Variants in DAAM1 observed in about 807,000 individuals in gnomAD.
DAAM1 encodes dishevelled associated activator of morphogenesis 1.
Under a neutral mutation model 130.0 loss-of-function variants are expected in DAAM1, and 52 were observed. The observed-to-expected ratio is 0.40, with a 90% CI of 0.32 to 0.50. The LOEUF (loss-of-function observed/expected upper bound fraction) is 0.50. Ranked by LOEUF, DAAM1 falls within the 20% of genes least tolerant of loss-of-function variation. The pLI is 0.61. For synonymous variants in DAAM1, 452 were observed against 444.5 expected (o/e 1.02, Z -0.21); for missense variants, 1,134 against 1,303.8 (o/e 0.87, Z 2.01).
intron 2 of DAAM1, among the ~76,000 whole-genome samples, chr14:59,289,117 A>G (rs1430250870): frequency 6.6e-6 from 1 of 152,080 alleles, no homozygotes; most frequent in African/African-American, 2.4e-5. Flanking sequence ...GGGTTTCACC[A>G]TGTTGTCCAG....
At chr14:59,221,337 TAC>T (rs1888764673) in intron 1 of DAAM1, among the ~76,000 whole-genome samples, 1 of 152,278 alleles carries the variant, frequency 6.6e-6, no homozygotes, top group Admixed American at 6.5e-5. Context: ...TATGTTTATA[TAC>T]ACACAAACGT....
chr14:59,337,634 C>T (rs1406297735), intron 15 of DAAM1, among the ~76,000 whole-genome samples: 1 of 152,182 alleles, frequency 6.6e-6, no homozygotes. Context: ...TTCCCTTTTT[C>T]ATTCCAAGTC....
chr14:59,310,921 G>A (rs1319631857), intron 3 of DAAM1, among the ~76,000 whole-genome samples: 1 of 151,610 alleles, frequency 6.6e-6, no homozygotes, highest in Non-Finnish European at 1.5e-5. Context: ...ATTGACCTTT[G>A]CATAGCTTAT....
intron 1 of DAAM1, among the ~76,000 whole-genome samples, chr14:59,236,749 C>G (rs1292558038): frequency 6.6e-6 from 1 of 152,114 alleles, no homozygotes; most frequent in African/African-American, 2.4e-5. Context: ...TGGTTCATTG[C>G]TGGGCCTCCA....
chr14:59,280,738 T>C (rs1456707283), intron 2 of DAAM1, among the ~76,000 whole-genome samples: 1 of 152,030 alleles, frequency 6.6e-6, no homozygotes, highest in East Asian at 1.9e-4. Context: ...CAGGATAGGC[T>C]ACCTGGAGGG....
At chr14:59,202,584 C>T (rs1888139944) in intron 1 of DAAM1, among the ~76,000 whole-genome samples, 1 of 151,970 alleles carries the variant, frequency 6.6e-6, no homozygotes, top group South Asian at 2.1e-4. Flanking sequence ...TTAGAGAAAC[C>T]CCCGGTTTTT....
chr14:59,328,367 A>C (rs1023084723), intron 12 of DAAM1, among the ~76,000 whole-genome samples: 2 of 152,268 alleles, frequency 1.3e-5, no homozygotes, highest in Non-Finnish European at 2.9e-5. Context: ...AAAGAGATTA[A>C]ACCAAAGAGA....
chr14:59,368,505 C>T (rs1887013730), intron 24 of DAAM1, 145 bp from the exon 25 acceptor site: 2 of 820,324 alleles, frequency 2.4e-6, no homozygotes, highest in East Asian at 2.8e-5. Flanking sequence ...CCAATTCCCC[C>T]TTTCTTGTGA....
intron 20 of DAAM1, 53 bp downstream of exon 20, chr14:59,355,386 T>A: frequency 1.9e-6 from 3 of 1,603,250 alleles, no homozygotes; most frequent in Non-Finnish European, 2.6e-6. Context: ...AGGTCCAGGC[T>A]CAGATTTATG....
intron 16 of DAAM1, among the ~76,000 whole-genome samples, chr14:59,341,511 G>A (rs1034923665): frequency 5.9e-5 from 9 of 152,016 alleles, no homozygotes; most frequent in South Asian, 4.2e-4. Context: ...ACAATATATT[G>A]TTTTAATTGT....
intron 1 of DAAM1, among the ~76,000 whole-genome samples, chr14:59,196,136 C>T (rs1360956152): frequency 6.6e-6 from 1 of 152,096 alleles, no homozygotes; most frequent in Non-Finnish European, 1.5e-5. Flanking sequence ...AAGCCAATAG[C>T]CTTGATCTTT....
rs143487872 is a variant in DAAM1 at position 59,363,812 on chromosome 14, G to T, written c.2826+30G>T. 3,215 of 1,611,108 alleles carry T rather than the reference G, an allele frequency of 2.0e-3. 5 individuals are homozygous for T. The highest frequency in any genetic ancestry group is 2.7e-3 in the Middle Eastern group (16 of 6,024). On this transcript the variant is annotated intron_variant, in intron 23 of 24. Coordinates refer to ENST00000360909, the MANE Select transcript of DAAM1 (RefSeq NM_001270520.2). ...GTTTCCCCCTTGTGCACTGAGTGTT[G>T]TTTGACCGGGCTGGGCTTCAGTGTG...
chr14:59,326,138 T>C, intron 10 of DAAM1, 61 bp downstream of exon 10: 2 of 1,497,740 alleles, frequency 1.3e-6, no homozygotes, highest in South Asian at 2.3e-5. Context: ...CCTAATGGGT[T>C]CTGGCTCCTG....
intron 1 of DAAM1, among the ~76,000 whole-genome samples, chr14:59,210,496 GC>G (rs148513173): frequency 0.06 from 9,102 of 151,494 alleles, 377 homozygotes; most frequent in Non-Finnish European, 0.089. Flanking sequence ...AATATAATAA[GC>G]AGTCATTAAA....
rs940054945 is a variant in DAAM1, at chr14:59,367,202, C to T, written c.2827-227C>T. On this transcript the variant is annotated intron_variant, in intron 23 of 24. Coordinates refer to ENST00000360909, the MANE Select transcript of DAAM1 (RefSeq NM_001270520.2). Reference sequence around the variant, plus strand: ...ACTTGGGAGGTTGAGGCTGGAGAATCGCTTGAACCCGAGAGACAGAGGTTG... The same window carrying T: ...ACTTGGGAGGTTGAGGCTGGAGAATTGCTTGAACCCGAGAGACAGAGGTTG... 9.9e-5 allele frequency among the ~76,000 whole-genome samples: 15 copies of T among 152,014 alleles called. No homozygotes were observed. The East Asian group carries it at 1.2e-3, about 12-fold the overall frequency.
At chr14:59,273,213 C>T (rs1409474384) in intron 2 of DAAM1, among the ~76,000 whole-genome samples, 2 of 152,128 alleles carry the variant, frequency 1.3e-5, no homozygotes, top group Non-Finnish European at 2.9e-5. Flanking sequence ...CCATTTTGTT[C>T]CTTCTAATTC....
chr14:59,363,569 A>G (rs1886795330), intron 22 of DAAM1, 82 bp from the exon 23 acceptor site: 3 of 1,565,588 alleles, frequency 1.9e-6, no homozygotes, highest in Non-Finnish European at 2.6e-6. Context: ...ATTAAATTTA[A>G]GGCATGTGAA....
intron 1 of DAAM1, among the ~76,000 whole-genome samples, chr14:59,240,358 C>A (rs1382558306): frequency 6.6e-6 from 1 of 152,140 alleles, no homozygotes; most frequent in Non-Finnish European, 1.5e-5. Flanking sequence ...GAGAGGTGCT[C>A]AGTAAATGTT....
At chr14:59,252,582 G>A (rs1881696915) in intron 1 of DAAM1, among the ~76,000 whole-genome samples, 1 of 152,154 alleles carries the variant, frequency 6.6e-6, no homozygotes, top group South Asian at 2.1e-4. Flanking sequence ...GCCCTATAGA[G>A]ATTAAACCAG....
Sources: gnomAD v4.1 joint callset for allele counts (sites outside exome capture counted in the v4.1 genomes callset) on GRCh38, gnomAD v4.1.1 for gene constraint, MANE v1.5 for transcripts, NCBI Gene and HGNC (gene_info 2026-07-23, HGNC 2026-07-21) for gene names.